The following PRMT2 variants were observed in gnomAD, a reference collection of about 807,000 sequenced individuals.
PRMT2 encodes protein arginine methyltransferase 2.
Under a neutral mutation model 57.6 loss-of-function variants are expected in PRMT2, and 26 were observed. The ratio of observed to expected loss-of-function variants is 0.45; its 90% CI spans 0.33 to 0.63. The LOEUF (loss-of-function observed/expected upper bound fraction) is 0.63. Among genes scored for constraint, PRMT2 ranks in the 20% least tolerant of loss-of-function variants. The probability of loss-of-function intolerance (pLI) is 0.02; values close to 1 mark genes in which losing one functional copy is unlikely to be tolerated. For synonymous variants in PRMT2, 219 were observed against 220.0 expected (o/e 1.00, Z 0.04); for missense variants, 472 against 564.4 (o/e 0.84, Z 1.66).
chr21:46,659,633 A>G (rs554202638), intron 8 of PRMT2: 485 of 985,418 alleles, frequency 4.9e-4, no homozygotes, highest in Admixed American at 8.6e-4. Flanking sequence ...CAAAGAGTAA[A>G]TTAAAATAGT....
At chr21:46,645,891 A>G (rs1189188805) in intron 5 of PRMT2, among the ~76,000 whole-genome samples, 2 of 151,828 alleles carry the variant, frequency 1.3e-5, no homozygotes, top group Admixed American at 6.6e-5. Context: ...TAATTTTTGT[A>G]TTTTTAATGA....
rs1308796617 is a variant in PRMT2, at chr21:46,648,687, A to G, written c.489+68A>G. 6.4e-7 allele frequency: 1 copy of G among 1,573,268 alleles called. No homozygotes were observed. On this transcript the variant is annotated intron_variant, in intron 6 of 11. Transcript: ENST00000355680. This position sits in a 1 kb window ranked among gnomAD's most constrained non-coding sequence, Gnocchi z 4.8. ...CTGGTGACGTCCGAGGTGGCCTCTGAGTGTGCTGACTTGTGACCCTGAGCT... is the reference window on the plus strand; with the variant it reads ...CTGGTGACGTCCGAGGTGGCCTCTGGGTGTGCTGACTTGTGACCCTGAGCT...
At chr21:46,660,369 C>T (rs1018251043) in intron 8 of PRMT2, among the ~76,000 whole-genome samples, 4 of 152,132 alleles carry the variant, frequency 2.6e-5, no homozygotes, top group East Asian at 3.8e-4. Context: ...TAGTTCCTTT[C>T]GTTTATTATA....
At position 46,643,540 on chromosome 21, in the gene PRMT2, A is replaced by T; in HGVS notation, c.45A>T (p.Glu15Asp). ...GDCPRSESQG[E>D]EPAECSEAGL... Reference sequence around the variant, plus strand: ...CTTTCCTTGGCTTTGAGCAGGGAGAAGAGCCTGCTGAGTGCAGTGAGGCCG... The same window carrying T: ...CTTTCCTTGGCTTTGAGCAGGGAGATGAGCCTGCTGAGTGCAGTGAGGCCG... Residue 15 changes from glutamate (E) to aspartate (D), a missense_variant, in exon 4 of 12, where the codon GAA becomes GAT. Glu to Asp is a conservative substitution (Grantham distance 45). Transcript: ENST00000355680. 1 of 1,582,178 alleles carries T rather than the reference A, an allele frequency of 6.3e-7. No individual in the cohort carries two copies. Among genetic ancestry groups the T allele is most frequent in the Non-Finnish European group, 8.6e-7 (1 of 1,167,010 alleles).
chr21:46,652,960 T>C, intron 7 of PRMT2: 3 of 1,272,514 alleles, frequency 2.4e-6, no homozygotes, highest in South Asian at 1.3e-5. Context: ...GGCTGCCTCC[T>C]GGACCTTTCA....
At chr21:46,643,369 G>T in intron 3 of PRMT2, 166 bp from the exon 4 acceptor site, 1 of 1,204,186 alleles carries the variant, frequency 8.3e-7, no homozygotes, top group Non-Finnish European at 1.0e-6. Flanking sequence ...GAGTGAAGGT[G>T]ACAGCCTTTG....
chr21:46,664,321 G>A lies in PRMT2; in HGVS notation c.1296G>A (p.Trp432Ter). 6.2e-7 allele frequency: 1 copy of A among 1,614,080 alleles called. No individual in the cohort carries two copies. Among genetic ancestry groups the A allele is most frequent in the Non-Finnish European group, 8.5e-7 (1 of 1,179,968 alleles). Residue 432 changes from tryptophan to a stop codon, truncating the protein, a stop_gained, in exon 12 of 12, where the codon TGG becomes TGA. Transcript: ENST00000355680. LOFTEE classifies it high-confidence loss of function. ...QKVGEKVFPIWR is the reference protein window; with the variant it reads ...QKVGEKVFPI Reference sequence around the variant, plus strand: ...TTGGAGAAAAAGTCTTCCCCATCTGGAGATGACAGTTGATGCTTTATTTGG... The same window carrying A: ...TTGGAGAAAAAGTCTTCCCCATCTGAAGATGACAGTTGATGCTTTATTTGG...
chr21:46,646,433 C>T (rs1302249008), intron 5 of PRMT2, among the ~76,000 whole-genome samples: 1 of 152,168 alleles, frequency 6.6e-6, no homozygotes, highest in African/African-American at 2.4e-5. Flanking sequence ...GTCCAAGTGA[C>T]ACCTAATGTA....
chr21:46,656,847 C>T (rs2061548366), intron 7 of PRMT2: 1 of 152,046 alleles, frequency 6.6e-6, no homozygotes, highest in African/African-American at 2.4e-5. Context: ...AAAATGACTG[C>T]TCTGCAAAAG....
chr21:46,658,717 C>T (rs765531849), intron 7 of PRMT2, 28 bp from the exon 8 acceptor site: 2 of 1,609,772 alleles, frequency 1.2e-6, no homozygotes, highest in Non-Finnish European at 1.7e-6. Flanking sequence ...TGTGATGTGT[C>T]TCCTGTGTGT....
chr21:46,635,955 C>T (rs1258142048), intron 1 of PRMT2, 192 bp downstream of exon 1: 1 of 151,468 alleles, frequency 6.6e-6, no homozygotes, highest in Non-Finnish European at 1.5e-5. Flanking sequence ...CCCGTCACAC[C>T]CTTCCCTGCG....
At chr21:46,654,641 A>G (rs1462784220) in intron 7 of PRMT2, among the ~76,000 whole-genome samples, 11 of 152,374 alleles carry the variant, frequency 7.2e-5, no homozygotes, top group Admixed American at 2.0e-4. Flanking sequence ...CAATACAACA[A>G]TAAACATCAA....
rs2061462721 is a variant in PRMT2, at chr21:46,651,911, G to T, written c.654+2172G>T. 4 of 1,613,114 alleles carry T rather than the reference G, an allele frequency of 2.5e-6. No individual in the cohort carries two copies. In the African/African-American group the frequency reaches 5.3e-5, roughly 22 times the overall value. ...GCCTCTCCCCTGCACCTGTGCGTCT[G>T]TCCCTCTTCATGTCCTCCTTGCCTG... On this transcript the variant is annotated intron_variant, in intron 7 of 11. Coordinates refer to ENST00000355680, the MANE Select transcript of PRMT2 (RefSeq NM_206962.4).
At chr21:46,654,951 A>C in intron 7 of PRMT2, 1 of 981,074 alleles carries the variant, frequency 1.0e-6, no homozygotes, top group Non-Finnish European at 1.2e-6. Context: ...TAGAGTGAGA[A>C]GCAAAGAAGG....
intron 4 of PRMT2, 146 bp from the exon 5 acceptor site, chr21:46,644,160 C>A: frequency 1.3e-6 from 1 of 761,964 alleles, no homozygotes; most frequent in Non-Finnish European, 2.1e-6. Flanking sequence ...GTGTCACTTG[C>A]AAACATTCTC....
intron 3 of PRMT2, among the ~76,000 whole-genome samples, chr21:46,638,671 T>C (rs2061217546): frequency 6.6e-6 from 1 of 152,252 alleles, no homozygotes; most frequent in Non-Finnish European, 1.5e-5. Flanking sequence ...TGGTATTTTG[T>C]TATTTCAATT....
rs2061423241 is a variant in PRMT2 at position 46,649,817 on chromosome 21, G to A, written c.654+78G>A. On this transcript the variant is annotated intron_variant, in intron 7 of 11. Transcript: ENST00000355680. The surrounding 1 kb of genome is among the most constrained non-coding windows in gnomAD (Gnocchi z 4.8). Reference sequence around the variant, plus strand: ...ACGGGCTCGGCTGGGCCAACCTCAGGATCTCAAGGGTCGTGCGTGATTCAT... The same window carrying A: ...ACGGGCTCGGCTGGGCCAACCTCAGAATCTCAAGGGTCGTGCGTGATTCAT... 1.3e-6 allele frequency: 2 copies of A among 1,560,398 alleles called. No individual in the cohort carries two copies. Among genetic ancestry groups the A allele is most frequent in the Admixed American group, 1.9e-5 (1 of 51,778 alleles).
intron 7 of PRMT2, chr21:46,653,715 G>GCA: frequency 4.0e-6 from 5 of 1,249,158 alleles, no homozygotes; most frequent in South Asian, 2.9e-5. Context: ...GTGCCCACAC[G>GCA]CACACACACA....
intron 10 of PRMT2, 116 bp from the exon 11 acceptor site, chr21:46,663,267 G>A: frequency 9.9e-7 from 1 of 1,012,440 alleles, no homozygotes; most frequent in Non-Finnish European, 1.4e-6. Flanking sequence ...GTGGACTGCC[G>A]GCTGTGTGGG....
Sources: gnomAD v4.1 joint callset for allele counts (sites outside exome capture counted in the v4.1 genomes callset) on GRCh38, gnomAD v4.1.1 for gene constraint, Gnocchi (gnomAD v3.1) non-coding constraint, MANE v1.5 for transcripts, NCBI Gene and HGNC (gene_info 2026-07-23, HGNC 2026-07-21) for gene names.